Variants in EEF2K observed in about 807,000 individuals in gnomAD.
EEF2K encodes the protein alternative protein EEF2K.
A neutral mutation model predicts 93.8 loss-of-function variants in EEF2K; 70 were observed. The ratio of observed to expected loss-of-function variants is 0.75; its 90% confidence interval spans 0.62 to 0.91. The LOEUF (loss-of-function observed/expected upper bound fraction) is 0.91, where lower values mean the gene tolerates loss of function less well. EEF2K is among the 40% of genes least tolerant of loss of function. The probability of loss-of-function intolerance (pLI) is 0.00; values close to 1 mark genes in which losing one functional copy is unlikely to be tolerated. For synonymous variants in EEF2K, 376 were observed against 380.8 expected, an observed-to-expected ratio of 0.99 and a Z score of 0.15; for missense variants, 935 against 972.9, an observed-to-expected ratio of 0.96 and a Z score of 0.52.
chr16:22,222,180 A>G (rs898969731), intron 1 of EEF2K, among the ~76,000 whole-genome samples: 1 of 152,012 alleles, frequency 6.6e-6, no homozygotes, highest in African/African-American at 2.4e-5. Flanking sequence ...ATGCATGTAC[A>G]CAGGTCCTTT....
intron 17 of EEF2K, among the ~76,000 whole-genome samples, chr16:22,281,886 T>TTA (rs1277454657): frequency 3.9e-5 from 6 of 152,140 alleles, no homozygotes; most frequent in South Asian, 4.1e-4. Context: ...GATAGACAAG[T>TTA]TATATATATA....
chr16:22,271,200 C>A (rs990342183), intron 15 of EEF2K, among the ~76,000 whole-genome samples: 3 of 151,744 alleles, frequency 2.0e-5, no homozygotes, highest in Admixed American at 2.0e-4. Flanking sequence ...GAACTACTGA[C>A]CTCAGGTGAT....
intron 6 of EEF2K, among the ~76,000 whole-genome samples, chr16:22,252,372 A>AGTG (rs2047360066): frequency 6.6e-6 from 1 of 152,176 alleles, no homozygotes; most frequent in South Asian, 2.1e-4. Context: ...CCTCTGCACT[A>AGTG]GTGGTAGCAC....
rs1277379549 is a variant in EEF2K, at chr16:22,249,844, C to T, written c.409-810C>T. On this transcript the variant is annotated intron_variant, in intron 4 of 17. Coordinates refer to ENST00000263026, the MANE Select transcript of EEF2K (RefSeq NM_013302.5). ...TTGCCCAGGCTGGAGTGCAATGGTG[C>T]GATCTTGGCTCATCGCAACCTCTGC... Among the ~76,000 whole-genome samples the T allele has an allele frequency of 4.6e-5, 7 of 150,644 alleles. 1 individual carries two copies. The highest frequency in any genetic ancestry group is 2.1e-4 in the South Asian group (1 of 4,760).
Position 22,250,826 on chromosome 16 carries a change from A to G in EEF2K, c.446+135A>G, listed in dbSNP as rs146639993. The G allele has an allele frequency of 1.8e-3, 2,125 of 1,182,462 alleles. 8 individuals carry two copies. Among genetic ancestry groups the G allele is most frequent in the Middle Eastern group, 4.8e-3 (17 of 3,522 alleles). The allele number at this position is 1,182,462 out of a possible 1,614,324, so 73.2% of individuals were successfully genotyped here. ...CTTCTTGTAGCCCAGGTTCCTGTCCATCTAGTCTCCCTCGGGCCACACATT... is the reference window on the plus strand; with the variant it reads ...CTTCTTGTAGCCCAGGTTCCTGTCCGTCTAGTCTCCCTCGGGCCACACATT... On this transcript the variant is annotated intron_variant, in intron 5 of 17. Transcript: ENST00000263026.
intron 1 of EEF2K, among the ~76,000 whole-genome samples, chr16:22,210,325 T>G (rs2046903387): frequency 6.6e-6 from 1 of 152,184 alleles, no homozygotes; most frequent in African/African-American, 2.4e-5. Context: ...AGTAGGTGGC[T>G]AAACTGCGGA....
intron 2 of EEF2K, among the ~76,000 whole-genome samples, chr16:22,230,359 G>A (rs2047103486): frequency 6.6e-6 from 1 of 151,730 alleles, no homozygotes; most frequent in South Asian, 2.1e-4. Flanking sequence ...AACCACAGGT[G>A]CACGCCACTA....
intron 1 of EEF2K, among the ~76,000 whole-genome samples, chr16:22,215,754 G>A (rs142133419): frequency 1.6e-4 from 24 of 152,156 alleles, no homozygotes; most frequent in East Asian, 9.7e-4. Context: ...GTGAAACCCC[G>A]TCTCTACTAA....
At position 22,286,721 on chromosome 16, in the gene EEF2K, A is replaced by G. The variant is rs1235673563; in HGVS notation, c.*2725A>G. 6.6e-6 allele frequency: 1 copy of G among 152,232 alleles called. No individual in the cohort carries two copies. Among genetic ancestry groups the G allele is most frequent in the Non-Finnish European group, 1.5e-5 (1 of 68,062 alleles). 9.4% of individuals were successfully genotyped at this position (152,232 alleles called of 1,614,324 possible). On this transcript the variant is annotated 3_prime_UTR_variant, in exon 18 of 18. Transcript: ENST00000263026. ...TTATTAAGCCCTGAGGGCAGGAGCT[A>G]TCCCAATTTTGTGTTCCCCAGGGCA...
At chr16:22,209,187 G>A (rs149202803) in intron 1 of EEF2K, among the ~76,000 whole-genome samples, 50 of 152,160 alleles carry the variant, frequency 3.3e-4, no homozygotes, top group African/African-American at 1.1e-3. Flanking sequence ...ACATGCCACC[G>A]TGCCCAGCTA....
intron 16 of EEF2K, among the ~76,000 whole-genome samples, chr16:22,276,217 A>C (rs2047633603): frequency 6.6e-6 from 1 of 152,128 alleles, no homozygotes; most frequent in Non-Finnish European, 1.5e-5. Flanking sequence ...AAGTGCTGGT[A>C]TTACAAGTGT....
Position 22,235,062 on chromosome 16 carries a change from A to C in EEF2K, c.246+9087A>C, listed in dbSNP as rs1002591422. Among the ~76,000 whole-genome samples, 115 of 151,492 alleles carry C rather than the reference A, an allele frequency of 7.6e-4. 1 individual carries two copies. The highest frequency in any genetic ancestry group is 2.7e-3 in the African/African-American group (112 of 41,350). On this transcript the variant is annotated intron_variant, in intron 2 of 17. Transcript: ENST00000263026. ...ACCCCATCTCTACTAAAAATACAAA[A>C]AATTAGCCGGGCATGGGGGCGCACA...
rs777214457 is a variant in EEF2K at position 22,257,679 on chromosome 16, C to A, written c.938C>A (p.Ala313Asp). The A allele has an allele frequency of 9.3e-6, 15 of 1,613,846 alleles. No homozygotes were observed. The highest frequency in any genetic ancestry group is 1.3e-5 in the African/African-American group (1 of 74,936). Residue 313 changes from alanine (A) to aspartate (D), a missense_variant, in exon 9 of 18, where the codon GCC (alanine) becomes GAC (aspartate). Physicochemically the swap from Ala to Asp is moderately radical, Grantham distance 126 (BLOSUM62 -2). Coordinates refer to ENST00000263026, the MANE Select transcript of EEF2K (RefSeq NM_013302.5). ...ATGGCGCTCTTCTTCTACTCTCATG[C>A]CTGCAACCGGATTTGCGAGAGCATG... ...RGMALFFYSH[A>D]CNRICESMGL...
intron 2 of EEF2K, among the ~76,000 whole-genome samples, chr16:22,227,549 A>C (rs1358595594): frequency 6.6e-6 from 1 of 152,186 alleles, no homozygotes; most frequent in Non-Finnish European, 1.5e-5. Flanking sequence ...ACATAATTTT[A>C]TTGAAAACCG....
At chr16:22,237,125 T>C (rs1598176079) in intron 2 of EEF2K, among the ~76,000 whole-genome samples, 1 of 151,088 alleles carries the variant, frequency 6.6e-6, no homozygotes, top group Non-Finnish European at 1.5e-5. Context: ...TTATATTTTT[T>C]GTAGAGAGGG....
chr16:22,280,315 C>T lies in EEF2K; in HGVS notation c.2007C>T (p.Ala669=), dbSNP rs1417226606. 1.9e-6 allele frequency: 3 copies of T among 1,607,522 alleles called. No homozygotes were observed. The highest frequency in any genetic ancestry group is 3.4e-5 in the Admixed American group (2 of 59,044). ...MQDEPRYMML[A]REAEMLFTGG... ...ACGAGCCCCGGTACATGATGCTGGC[C>T]AGGGAGGCCGAGATGCTGTTCACAG... Residue 669 remains alanine, a synonymous_variant, in exon 17 of 18, where the codon GCC becomes GCT. Transcript: ENST00000263026.
rs140262714 is a variant in EEF2K, at chr16:22,266,503, C to T, written c.1554C>T (p.Ile518=). Residue 518 remains isoleucine (I), a synonymous_variant, in exon 14 of 18, where the codon ATC becomes ATT. Coordinates refer to ENST00000263026, the MANE Select transcript of EEF2K (RefSeq NM_013302.5). ...ATGCTCTGGACCTCGAAAAGAAAAT[C>T]GGGAAGTCCATTTTGGGGAAGGTAT... is the stretch of plus-strand genomic sequence containing the variant. The part of the protein sequence containing the change: ...RLNALDLEKK[I]GKSILGKVHL... 6.2e-6 allele frequency: 10 copies of T among 1,614,054 alleles called. No individual in the cohort carries two copies. The highest frequency in any genetic ancestry group is 2.7e-5 in the African/African-American group (2 of 74,934).
At chr16:22,282,588 C>T (rs2047705127) in intron 17 of EEF2K, among the ~76,000 whole-genome samples, 1 of 152,192 alleles carries the variant, frequency 6.6e-6, no homozygotes, top group Non-Finnish European at 1.5e-5. Flanking sequence ...ACAAAAGTAG[C>T]TTTGTTATAA....
chr16:22,241,944 C>A (rs1465516854), intron 2 of EEF2K, among the ~76,000 whole-genome samples: 1 of 151,694 alleles, frequency 6.6e-6, no homozygotes, highest in Non-Finnish European at 1.5e-5. Flanking sequence ...GCCTGGGCAA[C>A]AAACGTAGTG....
Sources: gnomAD v4.1 joint callset for allele counts (sites outside exome capture counted in the v4.1 genomes callset) on GRCh38, gnomAD v4.1.1 for gene constraint, MANE v1.5 for transcripts, NCBI Gene and HGNC (gene_info 2026-07-23, HGNC 2026-07-21) for gene names.